The following PCLO variants were observed in gnomAD, a reference collection of about 807,000 sequenced individuals.
The protein encoded by PCLO is protein piccolo.
Under a neutral mutation model 427.5 loss-of-function variants are expected in PCLO, and 82 were observed. That is an observed-to-expected ratio of 0.19 (90% CI 0.16 to 0.23). The LOEUF (loss-of-function observed/expected upper bound fraction) is 0.23. Among genes scored for constraint, PCLO ranks in the 10% least tolerant of loss-of-function variants. PCLO has a pLI of 1.00. For missense variants in PCLO, 6,239 were observed against 6,115.9 expected (o/e 1.02, Z -0.67); for synonymous variants, 2,357 against 2,155.4 (o/e 1.09, Z -2.59).
At chr7:83,050,627 G>A (rs1178869753) in intron 3 of PCLO, among the ~76,000 whole-genome samples, 4 of 151,890 alleles carry the variant, frequency 2.6e-5, no homozygotes, top group African/African-American at 9.7e-5. Context: ...ATGCAAAGCT[G>A]GGTTAACATT....
chr7:82,776,882 ATG>A (rs1790764300), intron 22 of PCLO, among the ~76,000 whole-genome samples: 3 of 150,870 alleles, frequency 2.0e-5, no homozygotes, highest in South Asian at 2.1e-4. Context: ...ATATACATAT[ATG>A]TGTGTGTATA....
chr7:82,927,909 T>C (rs183387754), intron 6 of PCLO, among the ~76,000 whole-genome samples: 2 of 152,250 alleles, frequency 1.3e-5, no homozygotes, highest in Admixed American at 6.5e-5. Flanking sequence ...GCTGTTAGCT[T>C]CAGAAAATGG....
intron 6 of PCLO, among the ~76,000 whole-genome samples, chr7:82,917,865 A>T (rs2116279749): frequency 6.6e-6 from 1 of 152,134 alleles, no homozygotes; most frequent in East Asian, 1.9e-4. Context: ...TAAATATTGT[A>T]CCTGAAAATT....
chr7:83,034,545 A>G (rs1330329707), intron 3 of PCLO, among the ~76,000 whole-genome samples: 2 of 152,194 alleles, frequency 1.3e-5, no homozygotes, highest in African/African-American at 4.8e-5. Context: ...GTAACTTTCC[A>G]ATAATGATGC....
At chr7:82,987,289 A>G (rs1040581032) in intron 3 of PCLO, among the ~76,000 whole-genome samples, 1 of 152,022 alleles carries the variant, frequency 6.6e-6, no homozygotes, top group African/African-American at 2.4e-5. Flanking sequence ...AAATCCTCTC[A>G]GTTTCTAAAA....
chr7:82,766,257 C>A (rs560353866), intron 22 of PCLO, among the ~76,000 whole-genome samples: 2 of 152,024 alleles, frequency 1.3e-5, no homozygotes, highest in African/African-American at 4.8e-5. Flanking sequence ...AACAGACATG[C>A]CTCCCCATTA....
At chr7:83,149,954 G>A (rs1264595602) in intron 2 of PCLO, among the ~76,000 whole-genome samples, 1 of 151,918 alleles carries the variant, frequency 6.6e-6, no homozygotes, top group Non-Finnish European at 1.5e-5. Flanking sequence ...CAAAATATCT[G>A]GCTTCTGCCA....
At chr7:83,008,076 T>C (rs1787992436) in intron 3 of PCLO, among the ~76,000 whole-genome samples, 1 of 151,686 alleles carries the variant, frequency 6.6e-6, no homozygotes. Flanking sequence ...GTAATACCTG[T>C]TATTTGTGTA....
chr7:82,790,684 A>G (rs1001820798), intron 22 of PCLO, among the ~76,000 whole-genome samples: 7 of 152,240 alleles, frequency 4.6e-5, no homozygotes, highest in Non-Finnish European at 8.8e-5. Flanking sequence ...GAGACACTGC[A>G]TTAATAATCT....
At chr7:82,992,926 A>T (rs1196145583) in intron 3 of PCLO, among the ~76,000 whole-genome samples, 2 of 152,112 alleles carry the variant, frequency 1.3e-5, no homozygotes, top group African/African-American at 4.8e-5. Flanking sequence ...CATCCATATT[A>T]AATGTGTTTG....
intron 20 of PCLO, chr7:82,821,537 TAGAA>T (rs1791791184): frequency 1.0e-6 from 1 of 982,136 alleles, no homozygotes; most frequent in Non-Finnish European, 1.2e-6. Flanking sequence ...TAATGCCTTT[TAGAA>T]GTAACAGGGT....
intron 3 of PCLO, among the ~76,000 whole-genome samples, chr7:83,075,225 G>A (rs1789921679): frequency 1.3e-5 from 2 of 152,194 alleles, no homozygotes; most frequent in South Asian, 4.1e-4. Context: ...GTAGTATCGA[G>A]ACATTTTATG....
intron 22 of PCLO, among the ~76,000 whole-genome samples, chr7:82,779,782 C>G (rs1284857054): frequency 7.4e-6 from 1 of 135,354 alleles, no homozygotes; most frequent in Non-Finnish European, 1.5e-5. Flanking sequence ...TGCTCTGTTG[C>G]CCAGGTGGAG....
At chr7:82,767,382 G>A (rs1287394958) in intron 22 of PCLO, among the ~76,000 whole-genome samples, 1 of 152,120 alleles carries the variant, frequency 6.6e-6, no homozygotes, top group Non-Finnish European at 1.5e-5. Context: ...AAGAGGAAGG[G>A]ATGGAGGATG....
intron 9 of PCLO, among the ~76,000 whole-genome samples, chr7:82,891,960 A>G (rs1280095026): frequency 6.6e-6 from 1 of 152,146 alleles, no homozygotes; most frequent in Non-Finnish European, 1.5e-5. Context: ...TTCCATGCTC[A>G]TGGGTAGGAA....
chr7:83,092,731 T>C (rs565100212), intron 3 of PCLO, among the ~76,000 whole-genome samples: 272 of 151,978 alleles, frequency 1.8e-3, no homozygotes, highest in African/African-American at 6.2e-3. Context: ...AGGGGGATCA[T>C]GAGGTCAGGA....
At chr7:82,986,354 C>T (rs1009545030) in intron 3 of PCLO, among the ~76,000 whole-genome samples, 1 of 7,880 alleles carries the variant, frequency 1.3e-4, no homozygotes, top group Non-Finnish European at 3.9e-4. Flanking sequence ...TAGAAATATG[C>T]TCTTTTAATG....
At chr7:83,121,178 T>C (rs1791268308) in intron 3 of PCLO, among the ~76,000 whole-genome samples, 1 of 151,924 alleles carries the variant, frequency 6.6e-6, no homozygotes, top group African/African-American at 2.4e-5. Flanking sequence ...AGATACACAG[T>C]ATAAAAAGAT....
chr7:83,103,991 T>C (rs1031927469), intron 3 of PCLO, among the ~76,000 whole-genome samples: 2 of 152,014 alleles, frequency 1.3e-5, no homozygotes, highest in East Asian at 1.9e-4. Flanking sequence ...GACCCAAAGA[T>C]TACTTTTTAA....
Sources: allele counts gnomAD v4.1 joint callset (sites outside exome capture counted in the v4.1 genomes callset), GRCh38; gene constraint gnomAD v4.1.1; transcripts MANE v1.5; gene names NCBI Gene and HGNC (gene_info 2026-07-23, HGNC 2026-07-21).